DEUP1: variants seen among roughly 807,000 people sequenced by gnomAD.
DEUP1 encodes coiled-coil domain containing 67.
Under a neutral mutation model 87.4 loss-of-function variants are expected in DEUP1, and 82 were observed. The observed-to-expected ratio is 0.94, with a 90% CI of 0.78 to 1.13. DEUP1 has a LOEUF of 1.13. DEUP1 is among the 50% of genes most tolerant of loss of function. The probability of loss-of-function intolerance (pLI) is 0.00; values close to 1 mark genes in which losing one functional copy is unlikely to be tolerated. For synonymous variants in DEUP1, 214 were observed against 222.7 expected, an observed-to-expected ratio of 0.96 and a Z score of 0.35; for missense variants, 663 against 681.5, an observed-to-expected ratio of 0.97 and a Z score of 0.30.
At position 93,394,488 on chromosome 11, in the gene DEUP1, G is replaced by T; in HGVS notation, c.1071G>T (p.Glu357Asp). Residue 357 changes from glutamate to aspartate, a missense_variant, in exon 10 of 14, where the codon GAG becomes GAT. By Grantham distance (45) the Glu-to-Asp change is conservative. Coordinates refer to ENST00000298050, the MANE Select transcript of DEUP1 (RefSeq NM_181645.4). The stretch of plus-strand genomic sequence containing the variant: ...GAAGCCAACTCCAACAGGTGGAAGA[G>T]TACCATAACTCTGAGCAGGAAAGAA... ...KIRSQLQQVE[E>D]YHNSEQERMR... is the part of the protein sequence containing the mutation. 6.3e-7 allele frequency: 1 copy of T among 1,594,966 alleles called. No homozygotes were observed. Among genetic ancestry groups the T allele is most frequent in the Non-Finnish European group, 8.5e-7 (1 of 1,171,704 alleles).
chr11:93,377,431 T>G (rs1000999700), intron 7 of DEUP1, among the ~76,000 whole-genome samples: 4 of 152,162 alleles, frequency 2.6e-5, no homozygotes, highest in African/African-American at 7.2e-5. Context: ...TAAGAGTAGC[T>G]GCTCCTGCTT....
intron 13 of DEUP1, among the ~76,000 whole-genome samples, chr11:93,431,804 G>A (rs117345654): frequency 0.014 from 2,168 of 152,204 alleles, 21 homozygotes; most frequent in Non-Finnish European, 0.023. Context: ...TGGGAAGTGG[G>A]AGAAAAGAGT....
chr11:93,355,632 T>C lies in DEUP1; in HGVS notation c.201+90T>C. 1.7e-6 allele frequency: 2 copies of C among 1,158,928 alleles called. 1 individual carries two copies. The highest frequency in any genetic ancestry group is 3.7e-5 in the South Asian group (2 of 54,272). 71.8% of individuals were successfully genotyped at this position (1,158,928 alleles called of 1,614,324 possible). ...AATATGTTTTTATTATACATACTTT[T>C]TATCAGGCATCAGCAACAGCATTTA... On this transcript the variant is annotated intron_variant, in intron 3 of 13. Coordinates refer to ENST00000298050, the MANE Select transcript of DEUP1 (RefSeq NM_181645.4).
intron 13 of DEUP1, among the ~76,000 whole-genome samples, chr11:93,429,219 G>C (rs1948030358): frequency 6.6e-6 from 1 of 152,126 alleles, no homozygotes. Flanking sequence ...ATTAGCTTTT[G>C]AAGTATTAGA....
intron 13 of DEUP1, among the ~76,000 whole-genome samples, chr11:93,419,089 G>A (rs569950241): frequency 6.6e-5 from 10 of 151,672 alleles, no homozygotes; most frequent in South Asian, 2.1e-4. Context: ...GCTAGATGAC[G>A]AGTTAGTGGG....
intron 7 of DEUP1, chr11:93,383,714 C>T (rs1946408258): frequency 3.8e-6 from 2 of 532,812 alleles, no homozygotes; most frequent in Non-Finnish European, 6.6e-6. Flanking sequence ...ATTGAACAAA[C>T]AATTTTTTAA....
intron 2 of DEUP1, among the ~76,000 whole-genome samples, chr11:93,347,691 C>A (rs1944420342): frequency 1.3e-5 from 2 of 152,020 alleles, no homozygotes; most frequent in Non-Finnish European, 2.9e-5. Flanking sequence ...AATTTCAGAG[C>A]CCATTGTTGG....
At chr11:93,392,687 C>G (rs140421206) in intron 9 of DEUP1, among the ~76,000 whole-genome samples, 2 of 150,554 alleles carry the variant, frequency 1.3e-5, no homozygotes, top group African/African-American at 2.4e-5. Flanking sequence ...AAAGAGAGAG[C>G]CTTGTTCTTT....
At chr11:93,381,111 G>A (rs535280603) in intron 7 of DEUP1, among the ~76,000 whole-genome samples, 5 of 151,994 alleles carry the variant, frequency 3.3e-5, no homozygotes, top group African/African-American at 4.8e-5. Flanking sequence ...TTTTACTCAC[G>A]TTTCATTCTT....
At chr11:93,338,935 C>T (rs1399620815) in intron 2 of DEUP1, among the ~76,000 whole-genome samples, 1 of 152,098 alleles carries the variant, frequency 6.6e-6, no homozygotes, top group Non-Finnish European at 1.5e-5. Flanking sequence ...GTATTGAGGA[C>T]TTGCCTTTTT....
intron 5 of DEUP1, among the ~76,000 whole-genome samples, chr11:93,369,426 A>G (rs955397247): frequency 2.0e-5 from 3 of 151,510 alleles, no homozygotes; most frequent in Non-Finnish European, 2.9e-5. Flanking sequence ...CGTGTCAAGA[A>G]ATAGAAAGAA....
At chr11:93,342,072 C>A (rs1455452701) in intron 2 of DEUP1, among the ~76,000 whole-genome samples, 1 of 152,182 alleles carries the variant, frequency 6.6e-6, no homozygotes, top group Non-Finnish European at 1.5e-5. Flanking sequence ...TTACGTGAAC[C>A]TCTCCATATC....
chr11:93,434,056 T>A (rs1305229395), intron 13 of DEUP1, among the ~76,000 whole-genome samples: 1 of 151,998 alleles, frequency 6.6e-6, no homozygotes, highest in African/African-American at 2.4e-5. Flanking sequence ...CCCACCCAGC[T>A]AGAGGAGAGA....
intron 2 of DEUP1, among the ~76,000 whole-genome samples, chr11:93,351,509 T>C (rs1186222076): frequency 2.0e-5 from 3 of 152,080 alleles, no homozygotes; most frequent in Non-Finnish European, 4.4e-5. Context: ...GTGGAAAAAA[T>C]AGACAAAATC....
intron 2 of DEUP1, among the ~76,000 whole-genome samples, chr11:93,338,266 C>T (rs1051248055): frequency 5.3e-5 from 8 of 151,228 alleles, no homozygotes; most frequent in African/African-American, 2.0e-4. Flanking sequence ...GTAATAAGAA[C>T]GTTAAGAAGT....
chr11:93,432,368 C>G (rs994198529), intron 13 of DEUP1, among the ~76,000 whole-genome samples: 1 of 152,064 alleles, frequency 6.6e-6, no homozygotes, highest in Non-Finnish European at 1.5e-5. Context: ...AGGGAGCTCC[C>G]CTCTGACTCC....
chr11:93,385,272 C>A, intron 7 of DEUP1, 126 bp from the exon 8 acceptor site: 3 of 854,218 alleles, frequency 3.5e-6, no homozygotes, highest in South Asian at 1.6e-5. Context: ...TGAGACAGAA[C>A]AAGCAAAGGA....
chr11:93,354,148 C>T (rs940515368), intron 2 of DEUP1, among the ~76,000 whole-genome samples: 7 of 152,172 alleles, frequency 4.6e-5, no homozygotes, highest in African/African-American at 1.7e-4. Flanking sequence ...ATTTCTTCTG[C>T]CAGATACCCT....
At chr11:93,376,435 T>A (rs1358222679) in intron 7 of DEUP1, among the ~76,000 whole-genome samples, 1 of 152,226 alleles carries the variant, frequency 6.6e-6, no homozygotes, top group Non-Finnish European at 1.5e-5. Context: ...CCTTGAATGA[T>A]CTTTTGTATT....
Sources: allele counts gnomAD v4.1 joint callset (sites outside exome capture counted in the v4.1 genomes callset), GRCh38; gene constraint gnomAD v4.1.1; transcripts MANE v1.5; gene names NCBI Gene and HGNC (gene_info 2026-07-23, HGNC 2026-07-21).